The following HCN1 variants were observed in gnomAD, a reference collection of about 807,000 sequenced individuals.
HCN1 encodes the protein potassium/sodium hyperpolarization-activated cyclic nucleotide-gated channel 1.
HCN1 carries 13 observed loss-of-function variants against 78.9 expected under a neutral mutation model. That is an observed-to-expected ratio of 0.16 (90% CI 0.11 to 0.26). The LOEUF is 0.26. Ranked by LOEUF, HCN1 falls within the 10% of genes least tolerant of loss-of-function variation. The pLI is 1.00. For synonymous variants in HCN1, 552 were observed against 455.5 expected (o/e 1.21, Z -2.70); for missense variants, 810 against 1,154.3 (o/e 0.70, Z 4.32).
intron 2 of HCN1, among the ~76,000 whole-genome samples, chr5:45,499,067 C>T (rs1267704458): frequency 6.6e-6 from 1 of 152,190 alleles, no homozygotes; most frequent in Admixed American, 6.5e-5. Flanking sequence ...GAGGTGGAGC[C>T]TACAGAGGCA....
intron 2 of HCN1, among the ~76,000 whole-genome samples, chr5:45,463,370 T>C (rs1741204625): frequency 6.6e-6 from 1 of 151,978 alleles, no homozygotes; most frequent in Non-Finnish European, 1.5e-5. Context: ...AACAATCTTT[T>C]TGACATAGTA....
intron 4 of HCN1, among the ~76,000 whole-genome samples, chr5:45,394,077 C>T (rs1366200614): frequency 1.3e-5 from 2 of 152,160 alleles, no homozygotes; most frequent in Non-Finnish European, 2.9e-5. Flanking sequence ...TAACACCTGA[C>T]ATATGGAAAA....
chr5:45,474,042 T>C (rs1283369916), intron 2 of HCN1, among the ~76,000 whole-genome samples: 1 of 151,888 alleles, frequency 6.6e-6, no homozygotes, highest in Admixed American at 6.6e-5. Flanking sequence ...GTCATTCATA[T>C]TGAGTATCCT....
At chr5:45,360,021 G>A (rs937650043) in intron 4 of HCN1, among the ~76,000 whole-genome samples, 4 of 149,674 alleles carry the variant, frequency 2.7e-5, no homozygotes, top group Admixed American at 6.7e-5. Context: ...AATATCTAAC[G>A]TACTGGGTGC....
intron 5 of HCN1, 91 bp downstream of exon 5, chr5:45,353,009 C>T: frequency 9.0e-7 from 1 of 1,114,978 alleles, no homozygotes; most frequent in Non-Finnish European, 1.3e-6. Context: ...TTAGGTTTTT[C>T]TTTAGAGTAA....
chr5:45,322,938 A>ATAG (rs1746152052), intron 5 of HCN1, among the ~76,000 whole-genome samples: 1 of 151,840 alleles, frequency 6.6e-6, no homozygotes. Flanking sequence ...GTCTGATATA[A>ATAG]TAGTTCCTAA....
chr5:45,404,186 G>C (rs1015227012), intron 3 of HCN1, among the ~76,000 whole-genome samples: 43 of 152,116 alleles, frequency 2.8e-4, no homozygotes, highest in Admixed American at 9.2e-4. Flanking sequence ...TGTGTTACAT[G>C]GCTATTCCTT....
chr5:45,631,170 T>C (rs1251194158), intron 2 of HCN1, among the ~76,000 whole-genome samples: 3 of 152,184 alleles, frequency 2.0e-5, no homozygotes, highest in Non-Finnish European at 4.4e-5. Flanking sequence ...AGACATACCC[T>C]GTCTCCATCT....
intron 6 of HCN1, among the ~76,000 whole-genome samples, chr5:45,286,203 A>T (rs973701731): frequency 6.6e-6 from 1 of 151,944 alleles, no homozygotes; most frequent in Non-Finnish European, 1.5e-5. Context: ...ACCTACTTAT[A>T]TGGTTTAAAA....
chr5:45,601,247 C>G (rs1366840928), intron 2 of HCN1, among the ~76,000 whole-genome samples: 1 of 151,578 alleles, frequency 6.6e-6, no homozygotes, highest in African/African-American at 2.4e-5. Flanking sequence ...TGGTTTGGAA[C>G]AAAAAAAATC....
intron 3 of HCN1, among the ~76,000 whole-genome samples, chr5:45,421,936 C>T (rs1314948052): frequency 6.6e-6 from 1 of 152,132 alleles, no homozygotes; most frequent in Non-Finnish European, 1.5e-5. Context: ...GGACACACTA[C>T]CCCAAAATAT....
intron 1 of HCN1, among the ~76,000 whole-genome samples, chr5:45,672,006 T>C (rs1746161369): frequency 6.6e-6 from 1 of 151,618 alleles, no homozygotes; most frequent in South Asian, 2.1e-4. Flanking sequence ...ATTCTTTCTT[T>C]CCTGAATTTC....
intron 2 of HCN1, among the ~76,000 whole-genome samples, chr5:45,641,099 T>C (rs989311232): frequency 6.6e-6 from 1 of 152,166 alleles, no homozygotes; most frequent in Admixed American, 6.6e-5. Context: ...TAAGTTCTAA[T>C]ACAGGGCAGG....
chr5:45,589,088 AG>A (rs1170378040), intron 2 of HCN1, among the ~76,000 whole-genome samples: 1 of 152,160 alleles, frequency 6.6e-6, no homozygotes, highest in Non-Finnish European at 1.5e-5. Context: ...TTCCCAGAAA[AG>A]ATAAAAGAGA....
At chr5:45,597,151 T>C (rs760788712) in intron 2 of HCN1, among the ~76,000 whole-genome samples, 1 of 152,152 alleles carries the variant, frequency 6.6e-6, no homozygotes, top group Non-Finnish European at 1.5e-5. Flanking sequence ...CTGATCAACA[T>C]TGATGCAAAA....
intron 5 of HCN1, among the ~76,000 whole-genome samples, chr5:45,329,708 C>T (rs190135781): frequency 4.0e-5 from 6 of 151,158 alleles, no homozygotes; most frequent in Admixed American, 3.3e-4. Context: ...TATTTATGTC[C>T]CACTGTAGAA....
intron 4 of HCN1, among the ~76,000 whole-genome samples, chr5:45,370,243 T>C (rs1747325402): frequency 6.6e-6 from 1 of 152,028 alleles, no homozygotes; most frequent in African/African-American, 2.4e-5. Flanking sequence ...CGGACATATT[T>C]ATCCAATATT....
At chr5:45,441,062 G>A (rs532887073) in intron 3 of HCN1, among the ~76,000 whole-genome samples, 3 of 152,078 alleles carry the variant, frequency 2.0e-5, no homozygotes, top group East Asian at 3.9e-4. Flanking sequence ...ATTTCCTTGA[G>A]TTTTCTGATT....
chr5:45,580,059 C>A (rs567776403), intron 2 of HCN1, among the ~76,000 whole-genome samples: 5 of 152,040 alleles, frequency 3.3e-5, no homozygotes, highest in Non-Finnish European at 7.4e-5. Context: ...CCCGCTGAGA[C>A]CTTCAAGGAT....
Sources: gnomAD v4.1 joint callset for allele counts (sites outside exome capture counted in the v4.1 genomes callset) on GRCh38, gnomAD v4.1.1 for gene constraint, MANE v1.5 for transcripts, NCBI Gene and HGNC (gene_info 2026-07-23, HGNC 2026-07-21) for gene names.